The following PPP2R2B variants were observed in gnomAD, a reference collection of about 807,000 sequenced individuals.
PPP2R2B encodes the protein protein phosphatase 2 regulatory subunit Bbeta.
PPP2R2B carries 5 observed loss-of-function variants against 46.0 expected under a neutral mutation model. The observed-to-expected ratio is 0.11, with a 90% CI of 0.06 to 0.23. PPP2R2B has a LOEUF of 0.23. Ranked by LOEUF, PPP2R2B falls within the 10% of genes least tolerant of loss-of-function variation. The probability of loss-of-function intolerance (pLI) is 1.00; values close to 1 mark genes in which losing one functional copy is unlikely to be tolerated. For missense variants in PPP2R2B, 367 were observed against 575.0 expected (o/e 0.64, Z 3.70); for synonymous variants, 215 against 206.7 (o/e 1.04, Z -0.34).
At chr5:146,655,258 G>A (rs966409224) in intron 5 of PPP2R2B, among the ~76,000 whole-genome samples, 6 of 152,124 alleles carry the variant, frequency 3.9e-5, no homozygotes, top group Admixed American at 1.3e-4. Flanking sequence ...AATGTCCCAA[G>A]CCCCAAAAGA....
intron 5 of PPP2R2B, among the ~76,000 whole-genome samples, chr5:146,655,011 G>T (rs1776227538): frequency 6.6e-6 from 1 of 152,226 alleles, no homozygotes. Flanking sequence ...CAAGGGATGT[G>T]CTGAGTGAAC....
intron 7 of PPP2R2B, among the ~76,000 whole-genome samples, chr5:146,631,413 AT>A (rs1774415966): frequency 2.0e-5 from 3 of 152,062 alleles, no homozygotes; most frequent in Admixed American, 1.3e-4. Context: ...TCATGGTGAG[AT>A]TATCATTTCG....
At chr5:146,856,628 A>T in intron 2 of PPP2R2B, 2 of 1,399,392 alleles carry the variant, frequency 1.4e-6, no homozygotes, top group Non-Finnish European at 2.0e-6. Flanking sequence ...GGAGGTAGTG[A>T]TGCTTCAACT....
intron 1 of PPP2R2B, among the ~76,000 whole-genome samples, chr5:146,952,907 A>T (rs1222591665): frequency 6.6e-6 from 1 of 152,202 alleles, no homozygotes; most frequent in Non-Finnish European, 1.5e-5. Flanking sequence ...AAATGAATAG[A>T]AACAGCAGAT....
intron 1 of PPP2R2B, among the ~76,000 whole-genome samples, chr5:146,933,839 AC>A (rs1319937836): frequency 6.4e-5 from 4 of 62,484 alleles, no homozygotes; most frequent in African/African-American, 2.6e-4. Flanking sequence ...CCCTCCCCCC[AC>A]CCCACAACAG....
At chr5:146,812,799 A>ATATG (rs1757684123) in intron 2 of PPP2R2B, among the ~76,000 whole-genome samples, 1 of 49,528 alleles carries the variant, frequency 2.0e-5, no homozygotes, top group African/African-American at 8.3e-5. Context: ...GTGTGTATAT[A>ATATG]TATATATATA....
intron 2 of PPP2R2B, among the ~76,000 whole-genome samples, chr5:146,725,973 C>T (rs1751838508): frequency 6.6e-6 from 1 of 152,176 alleles, no homozygotes; most frequent in African/African-American, 2.4e-5. Context: ...TCTTGTAAAG[C>T]ATCAGTGGGC....
chr5:146,639,706 T>C (rs527966575), intron 6 of PPP2R2B, among the ~76,000 whole-genome samples: 96 of 152,350 alleles, frequency 6.3e-4, no homozygotes, highest in African/African-American at 2.2e-3. Context: ...TATCTGTGCA[T>C]CATCAGATAG....
At chr5:146,722,699 G>A (rs370939071) in intron 2 of PPP2R2B, among the ~76,000 whole-genome samples, 1 of 152,284 alleles carries the variant, frequency 6.6e-6, no homozygotes, top group South Asian at 2.1e-4. Flanking sequence ...TAATGAAAAA[G>A]CCTGCAATGC....
intron 1 of PPP2R2B, among the ~76,000 whole-genome samples, chr5:146,981,260 A>G (rs959178715): frequency 2.0e-5 from 3 of 152,170 alleles, no homozygotes; most frequent in Non-Finnish European, 2.9e-5. Context: ...TCATACTTCA[A>G]TCCCTCTTTT....
intron 1 of PPP2R2B, among the ~76,000 whole-genome samples, chr5:146,994,405 TGA>T (rs1183319252): frequency 4.4e-4 from 67 of 152,184 alleles, no homozygotes; most frequent in Admixed American, 3.1e-3. Flanking sequence ...AGGATCTGGT[TGA>T]GAGTGTTTTT....
intron 3 of PPP2R2B, among the ~76,000 whole-genome samples, chr5:146,699,610 A>G (rs1779414472): frequency 6.7e-6 from 1 of 149,432 alleles, no homozygotes; most frequent in Non-Finnish European, 1.5e-5. Context: ...TGGGTAATTT[A>G]TGCTAAATAG....
intron 5 of PPP2R2B, among the ~76,000 whole-genome samples, chr5:146,677,486 A>G (rs1777811905): frequency 6.6e-6 from 1 of 151,726 alleles, no homozygotes; most frequent in Admixed American, 6.6e-5. Flanking sequence ...TAATGGTATC[A>G]TGCTATGATC....
chr5:146,659,133 A>C (rs1776529363), intron 5 of PPP2R2B, among the ~76,000 whole-genome samples: 1 of 152,216 alleles, frequency 6.6e-6, no homozygotes, highest in East Asian at 1.9e-4. Flanking sequence ...ACTTAAAAAA[A>C]ATTTGTTCAC....
chr5:146,684,300 T>C (rs1778356335), intron 5 of PPP2R2B, among the ~76,000 whole-genome samples: 2 of 152,102 alleles, frequency 1.3e-5, no homozygotes, highest in South Asian at 2.1e-4. Context: ...ATACCGAAAA[T>C]TAAAACCTGG....
intron 1 of PPP2R2B, among the ~76,000 whole-genome samples, chr5:146,956,541 C>T (rs1174373765): frequency 6.6e-6 from 1 of 152,214 alleles, no homozygotes; most frequent in African/African-American, 2.4e-5. Flanking sequence ...TTTAGAAACA[C>T]TTCAAACTTA....
intron 2 of PPP2R2B, among the ~76,000 whole-genome samples, chr5:146,724,336 A>G (rs1056996146): frequency 5.3e-5 from 8 of 151,794 alleles, no homozygotes; most frequent in African/African-American, 1.7e-4. Context: ...TGAGGGTTAC[A>G]TGAGAATATA....
Position 146,878,343 on chromosome 5 carries a change from G to C in PPP2R2B, c.-124-148C>G. 2.1e-6 allele frequency: 3 copies of C among 1,437,054 alleles called. No homozygotes were observed. Among genetic ancestry groups the C allele is most frequent in the Non-Finnish European group, 2.7e-6 (3 of 1,102,306 alleles). 89.0% of individuals were successfully genotyped at this position (1,437,054 alleles called of 1,614,324 possible). A position where few individuals can be genotyped will look rare whatever the true frequency, so the allele number is the denominator to read the frequency against. On this transcript the variant is annotated intron_variant, in intron 1 of 9. Transcript: ENST00000394411. This position sits in a 1 kb window ranked among gnomAD's most constrained non-coding sequence, Gnocchi z 4.5. ...CTCCAGTTCCCAGCGAGGATGCTGC[G>C]CCTGCCTCCGCTGCCTCCGGGTGCC...
At chr5:146,888,996 T>C (rs751042890) in intron 1 of PPP2R2B, among the ~76,000 whole-genome samples, 2 of 152,254 alleles carry the variant, frequency 1.3e-5, no homozygotes, top group Middle Eastern at 3.2e-3. Context: ...TTTTGGTTAT[T>C]ACAGCAGTAG....
Sources: allele counts gnomAD v4.1 joint callset (sites outside exome capture counted in the v4.1 genomes callset), GRCh38; gene constraint gnomAD v4.1.1; non-coding constraint Gnocchi (gnomAD v3.1); transcripts MANE v1.5; gene names NCBI Gene and HGNC (gene_info 2026-07-23, HGNC 2026-07-21).